The following IQCM variants were observed in gnomAD, a reference collection of about 807,000 sequenced individuals.
IQCM encodes the protein IQ motif containing M.
Under a neutral mutation model 57.6 loss-of-function variants are expected in IQCM, and 45 were observed. That is an observed-to-expected ratio of 0.78 (90% CI 0.62 to 1.00). The LOEUF (loss-of-function observed/expected upper bound fraction) is 1.00. Among genes scored for constraint, IQCM ranks in the 50% least tolerant of loss-of-function variants. The probability of loss-of-function intolerance (pLI) is 0.00; values close to 1 mark genes in which losing one functional copy is unlikely to be tolerated. For synonymous variants in IQCM, 148 were observed against 158.9 expected, an observed-to-expected ratio of 0.93 and a Z score of 0.51; for missense variants, 468 against 511.6, an observed-to-expected ratio of 0.91 and a Z score of 0.82.
chr4:149,456,960 T>C (rs2149704048), intron 12 of IQCM, among the ~76,000 whole-genome samples: 1 of 152,192 alleles, frequency 6.6e-6, no homozygotes, highest in African/African-American at 2.4e-5. Flanking sequence ...ATTGCATCAA[T>C]TACCAAGATT....
chr4:149,728,882 GA>G (rs1271186449), intron 5 of IQCM, among the ~76,000 whole-genome samples: 2 of 152,120 alleles, frequency 1.3e-5, no homozygotes, highest in African/African-American at 2.4e-5. Flanking sequence ...CAGAGAGCAG[GA>G]CCTCCAGCTG....
At chr4:149,395,575 T>A (rs1732163851) in intron 13 of IQCM, among the ~76,000 whole-genome samples, 1 of 152,044 alleles carries the variant, frequency 6.6e-6, no homozygotes, top group Admixed American at 6.6e-5. Flanking sequence ...CAAAGGGTTA[T>A]GTGTTGCTTC....
intron 2 of IQCM, among the ~76,000 whole-genome samples, chr4:149,750,330 C>T (rs1330193738): frequency 6.6e-6 from 1 of 152,212 alleles, no homozygotes; most frequent in African/African-American, 2.4e-5. Flanking sequence ...ATACAACCCT[C>T]ATATGCCGAG....
intron 12 of IQCM, among the ~76,000 whole-genome samples, chr4:149,464,557 A>G (rs1308612998): frequency 6.6e-6 from 1 of 152,272 alleles, no homozygotes; most frequent in East Asian, 1.9e-4. Context: ...CTCAGGCATC[A>G]TGCCTTGCTT....
intron 2 of IQCM, among the ~76,000 whole-genome samples, chr4:149,785,085 C>T (rs1344722806): frequency 6.6e-6 from 1 of 152,154 alleles, no homozygotes; most frequent in Admixed American, 6.5e-5. Flanking sequence ...AAAATGCATC[C>T]ATGGCTATAA....
intron 12 of IQCM, among the ~76,000 whole-genome samples, chr4:149,516,304 C>T (rs923319498): frequency 6.6e-6 from 1 of 152,190 alleles, no homozygotes; most frequent in Non-Finnish European, 1.5e-5. Flanking sequence ...CTATCCTGCT[C>T]ACAATGCTTC....
At chr4:149,753,902 A>T (rs1768711990) in intron 2 of IQCM, among the ~76,000 whole-genome samples, 1 of 152,096 alleles carries the variant, frequency 6.6e-6, no homozygotes, top group African/African-American at 2.4e-5. Flanking sequence ...TTAAAAGTAC[A>T]TTCCAGATGC....
chr4:149,383,950 T>C (rs747505301), intron 13 of IQCM, among the ~76,000 whole-genome samples: 2 of 151,852 alleles, frequency 1.3e-5, no homozygotes, highest in African/African-American at 4.8e-5. Flanking sequence ...CGAAACTCCA[T>C]CTCAAAAAAA....
chr4:149,603,719 T>C (rs1335932006), intron 8 of IQCM, among the ~76,000 whole-genome samples: 3 of 151,536 alleles, frequency 2.0e-5, no homozygotes, highest in African/African-American at 7.3e-5. Context: ...AGAGGAATAG[T>C]TAAAAAAAAA....
chr4:149,760,072 T>C (rs916926293), intron 2 of IQCM, among the ~76,000 whole-genome samples: 4 of 151,598 alleles, frequency 2.6e-5, no homozygotes, highest in African/African-American at 9.7e-5. Flanking sequence ...TTAGGAAAAA[T>C]GGCAAGGCTG....
intron 8 of IQCM, among the ~76,000 whole-genome samples, chr4:149,591,563 T>C (rs917191437): frequency 7.9e-5 from 12 of 152,030 alleles, no homozygotes; most frequent in African/African-American, 2.9e-4. Flanking sequence ...TAACTCGTCA[T>C]TTAGCATTAG....
chr4:149,774,198 T>A (rs1360271018), intron 2 of IQCM, among the ~76,000 whole-genome samples: 1 of 152,136 alleles, frequency 6.6e-6, no homozygotes, highest in Non-Finnish European at 1.5e-5. Context: ...AAAAAAAATT[T>A]TTTTTATTGT....
chr4:149,728,203 T>C (rs572129948), intron 5 of IQCM, among the ~76,000 whole-genome samples: 43 of 152,334 alleles, frequency 2.8e-4, no homozygotes, highest in African/African-American at 9.9e-4. Flanking sequence ...CCTTGGGTCA[T>C]TGAAAATGGT....
chr4:149,469,252 G>A (rs896404792), intron 12 of IQCM, among the ~76,000 whole-genome samples: 2 of 152,154 alleles, frequency 1.3e-5, no homozygotes, highest in African/African-American at 4.8e-5. Flanking sequence ...TGGCTAACTA[G>A]AATAAACAGT....
At chr4:149,460,594 A>G (rs1738167208) in intron 12 of IQCM, among the ~76,000 whole-genome samples, 1 of 152,152 alleles carries the variant, frequency 6.6e-6, no homozygotes, top group African/African-American at 2.4e-5. Flanking sequence ...TCTTGGTAAC[A>G]GGTAGAGCAT....
intron 13 of IQCM, among the ~76,000 whole-genome samples, chr4:149,360,222 T>A (rs199997859): frequency 6.6e-6 from 1 of 152,028 alleles, no homozygotes; most frequent in Non-Finnish European, 1.5e-5. Context: ...CTAATATATT[T>A]GGAAAAATGC....
rs183452757 is a variant in IQCM at position 149,407,187 on chromosome 4, C to T, written c.1390+26209G>A. ...ATCCCCCCCCAGGTCCCTCCCACAG[C>T]TCTTGGGAATTATGGAGGCTACAAT... is the stretch of plus-strand genomic sequence containing the variant. On this transcript the variant is annotated intron_variant, in intron 13 of 13. Transcript: ENST00000636793. Among the ~76,000 whole-genome samples the T allele has an allele frequency of 1.5e-3, 229 of 152,228 alleles. 3 individuals carry two copies. The highest frequency in any genetic ancestry group is 5.3e-3 in the African/African-American group (220 of 41,548).
chr4:149,719,359 GA>G lies in IQCM; in HGVS notation c.385+13884del, dbSNP rs1161904354. ...AAGTCAGTCTTAAAAAAAAAAAAAA[GA>G]AAAAAGAAAAAAGAAAGGTGTTTCC... On this transcript the variant is annotated intron_variant, in intron 5 of 13. Transcript: ENST00000636793. Among the ~76,000 whole-genome samples the G allele has an allele frequency of 7.4e-5, 11 of 148,394 alleles. No individual in the cohort carries two copies. In the South Asian group the frequency reaches 8.5e-4, roughly 12 times the overall value.
chr4:149,486,487 G>A (rs1369441736), intron 12 of IQCM, among the ~76,000 whole-genome samples: 1 of 152,074 alleles, frequency 6.6e-6, no homozygotes, highest in Non-Finnish European at 1.5e-5. Flanking sequence ...TGTGGCTCAC[G>A]CCTGTAATCC....
Sources: allele counts gnomAD v4.1 joint callset (sites outside exome capture counted in the v4.1 genomes callset), GRCh38; gene constraint gnomAD v4.1.1; transcripts MANE v1.5; gene names NCBI Gene and HGNC (gene_info 2026-07-23, HGNC 2026-07-21).